The following TRIM39 variants were observed in gnomAD, a reference collection of about 807,000 sequenced individuals.
TRIM39 encodes the protein E3 ubiquitin-protein ligase TRIM39.
Under a neutral mutation model 53.6 loss-of-function variants are expected in TRIM39, and 5 were observed. The ratio of observed to expected loss-of-function variants is 0.09; its 90% confidence interval spans 0.05 to 0.20. TRIM39 has a LOEUF of 0.20. Among genes scored for constraint, TRIM39 ranks in the 10% least tolerant of loss-of-function variants. TRIM39 has a pLI of 1.00. For missense variants in TRIM39, 310 were observed against 621.0 expected, an observed-to-expected ratio of 0.50 and a Z score of 5.32; for synonymous variants, 196 against 237.6, an observed-to-expected ratio of 0.82 and a Z score of 1.61.
intron 6 of TRIM39, 67 bp from the exon 7 acceptor site, chr6:30,340,438 A>C (rs1041319592): frequency 6.2e-7 from 1 of 1,609,846 alleles, no homozygotes; most frequent in African/African-American, 1.3e-5. Context: ...TAACATCTGA[A>C]TAGTCACTTG....
rs1256549854 is a variant in TRIM39, at chr6:30,342,783, TCAA to T, written c.*528_*530del. The T allele has an allele frequency of 1.9e-5, 3 of 160,566 alleles. No homozygotes were observed. The highest frequency in any genetic ancestry group is 2.7e-5 in the Non-Finnish European group (2 of 73,262). 9.9% of individuals were successfully genotyped at this position (160,566 alleles called of 1,614,324 possible). ...TTTTTCTGAGGGCAGAGATTGGACA[TCAA>T]CAAGGCTAGAAGGGTCAGGGAAGTG... On this transcript the variant is annotated 3_prime_UTR_variant, in exon 8 of 8. Transcript: ENST00000396551. This position sits in a 1 kb window ranked among gnomAD's most constrained non-coding sequence, Gnocchi z 4.7.
At position 30,338,620 on chromosome 6, in the gene TRIM39, G is replaced by T. The variant is rs1787139783; in HGVS notation, c.781-1288G>T. 6.7e-6 allele frequency among the ~76,000 whole-genome samples: 1 copy of T among 149,810 alleles called. No homozygotes were observed. Among genetic ancestry groups the T allele is most frequent in the Non-Finnish European group, 1.5e-5 (1 of 67,664 alleles). On this transcript the variant is annotated intron_variant, in intron 5 of 7. Coordinates refer to ENST00000396551, the Ensembl canonical transcript of TRIM39. This position sits in a 1 kb window ranked among gnomAD's most constrained non-coding sequence, Gnocchi z 4.0. ...TCATACTAGATATAATAATGAAAAAGTGTGAAATATTGTGAGAATTACCAA... is the reference window on the plus strand; with the variant it reads ...TCATACTAGATATAATAATGAAAAATTGTGAAATATTGTGAGAATTACCAA...
intron 4 of TRIM39, among the ~76,000 whole-genome samples, chr6:30,332,293 G>A (rs577482826): frequency 6.6e-6 from 1 of 152,320 alleles, no homozygotes; most frequent in Admixed American, 6.5e-5. Flanking sequence ...CCCTCCTTGA[G>A]CTTAAAGTTA....
intron 3 of TRIM39, among the ~76,000 whole-genome samples, chr6:30,330,407 C>G (rs537735206): frequency 1.4e-4 from 21 of 152,210 alleles, no homozygotes; most frequent in African/African-American, 5.1e-4. Context: ...TGTAGGTGGA[C>G]AGAGGTGGAT....
intron 4 of TRIM39, among the ~76,000 whole-genome samples, chr6:30,333,759 G>A (rs748006899): frequency 7.2e-5 from 11 of 152,072 alleles, no homozygotes; most frequent in African/African-American, 1.2e-4. Flanking sequence ...GAGTGCTTGC[G>A]TCATTGTCAG....
exon 2 of TRIM39, chr6:30,329,037 C>A: frequency 2.4e-6 from 1 of 419,326 alleles, no homozygotes; most frequent in Non-Finnish European, 4.2e-6. Flanking sequence ...CAAGAGAAAG[C>A]AGAGGTAAGA....
At position 30,338,740 on chromosome 6, in the gene TRIM39, A is replaced by G. The variant is rs1230930025; in HGVS notation, c.781-1168A>G. Among the ~76,000 whole-genome samples, 1 of 152,030 alleles carries G rather than the reference A, an allele frequency of 6.6e-6. No individual in the cohort carries two copies. The highest frequency in any genetic ancestry group is 6.6e-5 in the Admixed American group (1 of 15,242). On this transcript the variant is annotated intron_variant, in intron 5 of 7. Transcript: ENST00000396551. The surrounding 1 kb of genome is among the most constrained non-coding windows in gnomAD (Gnocchi z 4.0). ...CAGGTTGCCACAAACCATCTATCTGAAAAACATACAATGTCAACAAAACAC... is the reference window on the plus strand; with the variant it reads ...CAGGTTGCCACAAACCATCTATCTGGAAAACATACAATGTCAACAAAACAC...
intron 6 of TRIM39, chr6:30,340,219 A>AG (rs767971932): frequency 1.4e-6 from 2 of 1,478,540 alleles, no homozygotes; most frequent in Non-Finnish European, 1.9e-6. Flanking sequence ...AGATGGCAGG[A>AG]GGAAGGGGTT....
At chr6:30,332,164 G>C (rs569721258) in intron 4 of TRIM39, among the ~76,000 whole-genome samples, 1 of 152,348 alleles carries the variant, frequency 6.6e-6, no homozygotes, top group Admixed American at 6.5e-5. Context: ...AAGCCAGTAA[G>C]TGGCAAAACC....
In TRIM39 at chr6:30,335,734, T is replaced by C. The variant is rs776895166; in HGVS notation, c.550-11T>C. ...GACCCTGCTGATACAACATCTTCCCTCTCTTCTCAGAGACTAGTGGAAAGT... is the reference window on the plus strand; with the variant it reads ...GACCCTGCTGATACAACATCTTCCCCCTCTTCTCAGAGACTAGTGGAAAGT... On this transcript the variant is annotated splice_polypyrimidine_tract_variant and intron_variant, in intron 4 of 7. Transcript: ENST00000396551. The surrounding 1 kb of genome is among the most constrained non-coding windows in gnomAD (Gnocchi z 4.7). 1 of 1,612,090 alleles carries C rather than the reference T, an allele frequency of 6.2e-7. No homozygotes were observed. The highest frequency in any genetic ancestry group is 1.1e-5 in the South Asian group (1 of 90,836).
rs1179420455 is a variant in TRIM39 at position 30,342,623 on chromosome 6, C to T, written c.*364C>T. 2 of 338,718 alleles carry T rather than the reference C, an allele frequency of 5.9e-6. No individual in the cohort carries two copies. Among genetic ancestry groups the T allele is most frequent in the African/African-American group, 4.2e-5 (2 of 48,096 alleles). The allele number at this position is 338,718 out of a possible 1,614,324, so 21.0% of individuals were successfully genotyped here. On this transcript the variant is annotated 3_prime_UTR_variant, in exon 8 of 8. Coordinates refer to ENST00000396551, the Ensembl canonical transcript of TRIM39. This position sits in a 1 kb window ranked among gnomAD's most constrained non-coding sequence, Gnocchi z 4.7. ...CTCAAACCAGAGGAGGAAACAGAAA[C>T]CCCTGCACATCTTTTTAGGGGGTTC...
At position 30,339,777 on chromosome 6, in the gene TRIM39, C is replaced by T. The variant is rs993037506; in HGVS notation, c.781-131C>T. 1 of 1,266,862 alleles carries T rather than the reference C, an allele frequency of 7.9e-7. No homozygotes were observed. Among genetic ancestry groups the T allele is most frequent in the East Asian group, 2.5e-5 (1 of 40,072 alleles). The allele number at this position is 1,266,862 out of a possible 1,614,324, so 78.5% of individuals were successfully genotyped here. On this transcript the variant is annotated intron_variant, in intron 5 of 7. Coordinates refer to ENST00000396551, the Ensembl canonical transcript of TRIM39. The surrounding 1 kb of genome is among the most constrained non-coding windows in gnomAD (Gnocchi z 4.2). ...TCAGGTCCCGCTGGAGCTCTTCTTG[C>T]ACTGTGTGACCCTCAGTTTATCCTA...
chr6:30,336,000 C>T lies in TRIM39; in HGVS notation c.780+25C>T, dbSNP rs553202406. The stretch of plus-strand genomic sequence containing the variant: ...GGTTCGACCTTTGCCCCTGCATAGC[C>T]CCTCAGGCTGAGTGCAGCGTAGCTT... On this transcript the variant is annotated intron_variant, in intron 5 of 7. Coordinates refer to ENST00000396551, the Ensembl canonical transcript of TRIM39. This position sits in a 1 kb window ranked among gnomAD's most constrained non-coding sequence, Gnocchi z 4.7. The T allele has an allele frequency of 3.5e-5, 57 of 1,612,528 alleles. No homozygotes were observed. The East Asian group carries it at 1.2e-3, about 34-fold the overall frequency.
chr6:30,333,758 C>T (rs144306070), intron 4 of TRIM39, among the ~76,000 whole-genome samples: 2,691 of 152,230 alleles, frequency 0.018, 28 homozygotes, highest in Middle Eastern at 0.037. Context: ...GGAGTGCTTG[C>T]GTCATTGTCA....
Position 30,340,188 on chromosome 6 carries a change from G to C in TRIM39, c.803+258G>C. On this transcript the variant is annotated intron_variant, in intron 6 of 7. Coordinates refer to ENST00000396551, the Ensembl canonical transcript of TRIM39. ...AGAATCAGATTCTACTTGTGCCAGT[G>C]GGTGGAATTGTGTCCAAACAAGATG... 3 of 1,248,054 alleles carry C rather than the reference G, an allele frequency of 2.4e-6. No individual in the cohort carries two copies. The African/African-American group carries it at 4.5e-5, about 19-fold the overall frequency. The allele number at this position is 1,248,054 out of a possible 1,614,324, so 77.3% of individuals were successfully genotyped here.
At chr6:30,327,016 G>T (rs1367421484) in intron 1 of TRIM39, 21 bp downstream of exon 1, 1 of 151,736 alleles carries the variant, frequency 6.6e-6, no homozygotes, top group Non-Finnish European at 1.5e-5. Flanking sequence ...TCCCGCCGCC[G>T]CGCCCGAGCC....
intron 1 of TRIM39, 117 bp downstream of exon 1, chr6:30,327,112 C>G (rs997732204): frequency 6.6e-6 from 1 of 152,342 alleles, no homozygotes; most frequent in African/African-American, 2.4e-5. Flanking sequence ...GTAACCACAG[C>G]TGCCTCCGCC....
intron 7 of TRIM39, 180 bp from the exon 8 acceptor site, chr6:30,341,532 T>G: frequency 1.1e-6 from 1 of 914,616 alleles, no homozygotes; most frequent in Non-Finnish European, 1.7e-6. Flanking sequence ...GGGTGAGAAG[T>G]GAGCCATTGC....
At chr6:30,341,520 C>A in intron 7 of TRIM39, 192 bp from the exon 8 acceptor site, 1 of 861,320 alleles carries the variant, frequency 1.2e-6, no homozygotes, top group Non-Finnish European at 1.9e-6. Context: ...ACTTTAGGGT[C>A]AGGGTGAGAA....
Sources: gnomAD v4.1 joint callset for allele counts (sites outside exome capture counted in the v4.1 genomes callset) on GRCh38, gnomAD v4.1.1 for gene constraint, Gnocchi (gnomAD v3.1) non-coding constraint, MANE v1.5 for transcripts, NCBI Gene and HGNC (gene_info 2026-07-23, HGNC 2026-07-21) for gene names.